WFS1: variants seen among roughly 807,000 people sequenced by gnomAD.
WFS1 encodes the protein wolframin ER transmembrane glycoprotein, also known as wolframin.
Under a neutral mutation model 68.5 loss-of-function variants are expected in WFS1, and 90 were observed. The observed-to-expected ratio is 1.31, with a 90% CI of 1.11 to 1.56. WFS1 has a LOEUF of 1.56. Ranked by LOEUF, WFS1 falls within the 40% of genes most tolerant of loss-of-function variation. The pLI, the probability that WFS1 is intolerant of heterozygous loss-of-function variation, is 0.00. For synonymous variants in WFS1, 860 were observed against 540.7 expected, an observed-to-expected ratio of 1.59 and a Z score of -8.19; for missense variants, 1,767 against 1,232.6, an observed-to-expected ratio of 1.43 and a Z score of -6.49.
At chr4:6,296,500 C>G (rs1194338115) in intron 7 of WFS1, among the ~76,000 whole-genome samples, 1 of 152,224 alleles carries the variant, frequency 6.6e-6, no homozygotes, top group Non-Finnish European at 1.5e-5. Flanking sequence ...ATGGTTTTTA[C>G]TGATGGTCTG....
In WFS1 at chr4:6,301,128, C is replaced by G. The variant is rs764932308; in HGVS notation, c.1333C>G (p.Leu445Val). The change falls in exon 8 of 8, where the codon CTG becomes GTG. Residue 445 changes from leucine to valine, a missense_variant. Physicochemically the swap from Leu to Val is conservative, Grantham distance 32 (BLOSUM62 1). Transcript: ENST00000226760. Reference sequence around the variant, plus strand: ...CGGCTTCTTTACCGTGACCAGCTACCTGAGCCTGAGCACCCATGCAGAGCC... The same window carrying G: ...CGGCTTCTTTACCGTGACCAGCTACGTGAGCCTGAGCACCCATGCAGAGCC... Reference protein sequence around the residue: ...ITGFFTVTSYLSLSTHAEPYT... With the variant: ...ITGFFTVTSYVSLSTHAEPYT... The G allele has an allele frequency of 6.0e-5, 97 of 1,613,344 alleles. No individual in the cohort carries two copies. The highest frequency in any genetic ancestry group is 1.2e-4 in the Admixed American group (7 of 60,002).
At chr4:6,288,598 C>G (rs1214573777) in intron 3 of WFS1, 1 of 323,782 alleles carries the variant, frequency 3.1e-6, no homozygotes, top group Non-Finnish European at 6.0e-6. Flanking sequence ...TAGCTGGCGT[C>G]TCTCCAGCCC....
rs551867477 is a variant in WFS1 at position 6,277,532 on chromosome 4, G to A, written c.77G>A (p.Arg26Gln). The A allele has an allele frequency of 6.0e-5, 95 of 1,587,814 alleles. No homozygotes were observed. The highest frequency in any genetic ancestry group is 3.3e-4 in the Middle Eastern group (2 of 6,046). ...GCACCGCAGCCCCAGGCGCGTTCCC[G>A]ACTCAATGCCACAGCCTCGTTGGAG... is the stretch of plus-strand genomic sequence containing the variant. ...PPAPQPQARS[R>Q]LNATASLEQE... The change falls in exon 2 of 8, where the codon CGA becomes CAA. Residue 26 changes from arginine (R) to glutamine (Q), a missense_variant. Physicochemically the swap from Arg to Gln is conservative, Grantham distance 43. Transcript: ENST00000226760.
intron 3 of WFS1, chr4:6,288,487 C>T (rs1251409622): frequency 2.1e-5 from 5 of 233,268 alleles, no homozygotes; most frequent in Non-Finnish European, 3.4e-5. Flanking sequence ...CTGTGGAGCA[C>T]GTAAAAGCAG....
chr4:6,299,544 GTGAA>G (rs1339099145), intron 7 of WFS1, among the ~76,000 whole-genome samples: 1 of 68,448 alleles, frequency 1.5e-5, no homozygotes, highest in Non-Finnish European at 2.7e-5. Flanking sequence ...GGTGGGTTGT[GTGAA>G]TGTGTGTGTA....
At chr4:6,292,687 T>C (rs10016157) in intron 6 of WFS1, among the ~76,000 whole-genome samples, 97,217 of 151,974 alleles carry the variant, frequency 0.64, 31,692 homozygotes, top group East Asian at 0.93. Context: ...GCAGGAGGCT[T>C]GGGGGCTCAG....
intron 6 of WFS1, among the ~76,000 whole-genome samples, chr4:6,292,424 G>A (rs936418744): frequency 4.6e-5 from 7 of 152,190 alleles, no homozygotes; most frequent in African/African-American, 1.7e-4. Flanking sequence ...CCAGCAGGGT[G>A]TGGAAGGGGC....
intron 1 of WFS1, among the ~76,000 whole-genome samples, chr4:6,275,427 G>A (rs775703397): frequency 1.1e-4 from 17 of 152,320 alleles, no homozygotes; most frequent in Admixed American, 4.6e-4. Context: ...AGGTCTGCAC[G>A]TGCAGTTAAA....
chr4:6,291,788 T>G (rs565180960), intron 5 of WFS1, 129 bp from the exon 6 acceptor site: 1 of 1,008,548 alleles, frequency 9.9e-7, no homozygotes, highest in African/African-American at 1.6e-5. Context: ...GGGGGCCCTA[T>G]GATCCCCAGA....
In WFS1 at chr4:6,303,085, T is replaced by C. The variant is rs1424812680; in HGVS notation, c.*617T>C. On this transcript the variant is annotated 3_prime_UTR_variant, in exon 8 of 8. Coordinates refer to ENST00000226760, the MANE Select transcript of WFS1 (RefSeq NM_006005.3). ...CATGACCCTCCTGTCCAGCAGGTAGTGGGTGAATGTGTGAAGGTCTTGCCT... is the reference window on the plus strand; with the variant it reads ...CATGACCCTCCTGTCCAGCAGGTAGCGGGTGAATGTGTGAAGGTCTTGCCT... 1 of 157,304 alleles carries C rather than the reference T, an allele frequency of 6.4e-6. No individual in the cohort carries two copies. Among genetic ancestry groups the C allele is most frequent in the Non-Finnish European group, 1.4e-5 (1 of 70,820 alleles). 9.7% of individuals were successfully genotyped at this position (157,304 alleles called of 1,614,324 possible). A position where few individuals can be genotyped will look rare whatever the true frequency, so the allele number is the denominator to read the frequency against.
intron 4 of WFS1, among the ~76,000 whole-genome samples, chr4:6,289,750 G>C (rs1035269030): frequency 6.6e-6 from 1 of 152,246 alleles, no homozygotes; most frequent in East Asian, 1.9e-4. Flanking sequence ...AAGGTTCCAC[G>C]CCTCAGGGAA....
At chr4:6,279,118 T>C (rs1730082262) in intron 2 of WFS1, among the ~76,000 whole-genome samples, 1 of 152,186 alleles carries the variant, frequency 6.6e-6, no homozygotes, top group Non-Finnish European at 1.5e-5. Context: ...TGGTCACTGA[T>C]GTGGCCAAAG....
intron 7 of WFS1, among the ~76,000 whole-genome samples, chr4:6,299,445 GGTGGGTGTGCATGT>G (rs1730762071): frequency 6.6e-6 from 1 of 151,748 alleles, no homozygotes; most frequent in South Asian, 2.1e-4. Flanking sequence ...CACGTGTAGG[GGTGGGTGTGCATGT>G]GTGAGGGTGC....
At chr4:6,297,821 A>T (rs1200584620) in intron 7 of WFS1, among the ~76,000 whole-genome samples, 1 of 152,202 alleles carries the variant, frequency 6.6e-6, no homozygotes, top group Non-Finnish European at 1.5e-5. Context: ...TGAACTTTTT[A>T]ATCCCATGTC....
At chr4:6,291,703 G>A (rs996555966) in intron 5 of WFS1, among the ~76,000 whole-genome samples, 1 of 152,186 alleles carries the variant, frequency 6.6e-6, no homozygotes, top group Admixed American at 6.5e-5. Context: ...TCACCAAGTG[G>A]GAGCACGCTA....
At chr4:6,295,912 G>T (rs1411239258) in intron 7 of WFS1, among the ~76,000 whole-genome samples, 2 of 152,226 alleles carry the variant, frequency 1.3e-5, no homozygotes, top group Non-Finnish European at 2.9e-5. Flanking sequence ...GTCTCACTCT[G>T]CAGAGAACAC....
chr4:6,299,481 T>G (rs1578606008), intron 7 of WFS1, among the ~76,000 whole-genome samples: 2 of 121,718 alleles, frequency 1.6e-5, no homozygotes, highest in African/African-American at 6.8e-5. Flanking sequence ...CGTGTGGGGG[T>G]GGGTGTGCAC....
In WFS1 at chr4:6,301,395, T is replaced by C; in HGVS notation, c.1600T>C (p.Tyr534His). The C allele has an allele frequency of 6.2e-7, 1 of 1,612,626 alleles. No individual in the cohort carries two copies. Among genetic ancestry groups the C allele is most frequent in the Non-Finnish European group, 8.5e-7 (1 of 1,180,030 alleles). ...FKGTYCYLVP[Y>H]LVCFMWCELS... is the part of the protein sequence containing the mutation. The stretch of plus-strand genomic sequence containing the variant: ...GGGCACCTACTGCTACCTTGTGCCC[T>C]ACCTGGTGTGCTTCATGTGGTGTGA... The change falls in exon 8 of 8, where the codon TAC (tyrosine) becomes CAC (histidine). Residue 534 changes from tyrosine to histidine, a missense_variant. Coordinates refer to ENST00000226760, the MANE Select transcript of WFS1 (RefSeq NM_006005.3).
intron 2 of WFS1, among the ~76,000 whole-genome samples, chr4:6,285,159 G>A (rs56712110): frequency 6.9e-5 from 4 of 58,008 alleles, no homozygotes; most frequent in Non-Finnish European, 6.6e-5. Flanking sequence ...CAAGAGTTGC[G>A]TCCAGGGAGA....
Sources: gnomAD v4.1 joint callset for allele counts (sites outside exome capture counted in the v4.1 genomes callset) on GRCh38, gnomAD v4.1.1 for gene constraint, MANE v1.5 for transcripts, NCBI Gene and HGNC (gene_info 2026-07-23, HGNC 2026-07-21) for gene names.